Variants in CAMSAP2 observed in about 807,000 individuals in gnomAD.
CAMSAP2 encodes the protein calmodulin-regulated spectrin-associated protein 2.
Under a neutral mutation model 146.1 loss-of-function variants are expected in CAMSAP2, and 26 were observed. The ratio of observed to expected loss-of-function variants is 0.18; its 90% CI spans 0.13 to 0.25. The LOEUF (loss-of-function observed/expected upper bound fraction) is 0.25, where lower values mean the gene tolerates loss of function less well. Among genes scored for constraint, CAMSAP2 ranks in the 10% least tolerant of loss-of-function variants. The pLI is 1.00. For missense variants in CAMSAP2, 1,381 were observed against 1,759.3 expected (o/e 0.78, Z 3.85); for synonymous variants, 499 against 596.6 (o/e 0.84, Z 2.38).
chr1:200,755,919 A>G (rs1393952660), intron 1 of CAMSAP2, among the ~76,000 whole-genome samples: 2 of 152,188 alleles, frequency 1.3e-5, no homozygotes, highest in Non-Finnish European at 2.9e-5. Flanking sequence ...ATCTGAATGG[A>G]AAGAGCCAAC....
intron 6 of CAMSAP2, among the ~76,000 whole-genome samples, chr1:200,840,100 T>C (rs10920046): frequency 0.72 from 110,201 of 152,016 alleles, 40,041 homozygotes; most frequent in Middle Eastern, 0.78. Context: ...TCTTCTGTAA[T>C]ACTCCAGACT....
chr1:200,770,981 G>C (rs571313543), intron 2 of CAMSAP2, among the ~76,000 whole-genome samples: 2 of 152,248 alleles, frequency 1.3e-5, no homozygotes, highest in South Asian at 4.2e-4. Context: ...TTCTAACCCA[G>C]TGCTTATTCT....
chr1:200,811,351 A>G (rs1250651153), intron 3 of CAMSAP2, among the ~76,000 whole-genome samples: 10 of 152,076 alleles, frequency 6.6e-5, no homozygotes. Context: ...TTATATGCAG[A>G]TTTTGGGCCT....
rs1364421397 is a variant in CAMSAP2, at chr1:200,816,605, A to AAAAAT, written c.645+962_645+963insAAATA. On this transcript the variant is annotated intron_variant, in intron 4 of 16. Transcript: ENST00000358823. ...GCAAAACTTCATCTCAAAAAAAAAA[A>AAAAAT]ATATATATATATATATATATGTATA... is the stretch of plus-strand genomic sequence containing the variant. Among the ~76,000 whole-genome samples, 77 of 111,220 alleles carry AAAAAT rather than the reference A, an allele frequency of 6.9e-4. 1 individual carries two copies. Among genetic ancestry groups the AAAAAT allele is most frequent in the Non-Finnish European group, 1.0e-3 (53 of 53,136 alleles). The allele number at this position is 111,220 out of a possible 152,430, so 73.0% of individuals were successfully genotyped here.
At chr1:200,769,083 A>C (rs1665040499) in intron 2 of CAMSAP2, among the ~76,000 whole-genome samples, 1 of 152,208 alleles carries the variant, frequency 6.6e-6, no homozygotes, top group South Asian at 2.1e-4. Flanking sequence ...TTAATTAATT[A>C]GTAGTTAACT....
intron 2 of CAMSAP2, among the ~76,000 whole-genome samples, chr1:200,789,522 A>C: frequency 6.6e-6 from 1 of 151,898 alleles, no homozygotes; most frequent in East Asian, 1.9e-4. Flanking sequence ...CCGGTGATCT[A>C]TTTGTTCTTT....
At position 200,833,507 on chromosome 1, in the gene CAMSAP2, C is replaced by G. The variant is rs111513077; in HGVS notation, c.927+662C>G. Among the ~76,000 whole-genome samples, 242 of 152,048 alleles carry G rather than the reference C, an allele frequency of 1.6e-3. 2 individuals carry two copies. The highest frequency in any genetic ancestry group is 5.7e-3 in the African/African-American group (238 of 41,454). On this transcript the variant is annotated intron_variant, in intron 6 of 16. Coordinates refer to ENST00000358823, the MANE Select transcript of CAMSAP2 (RefSeq NM_203459.4). ...TCTGGAAGGCAGAGGTTGCGGTGAG[C>G]TGAGATCGCGCCACTGCACCCTAGC...
At chr1:200,754,379 C>T (rs901333078) in intron 1 of CAMSAP2, among the ~76,000 whole-genome samples, 1 of 151,998 alleles carries the variant, frequency 6.6e-6, no homozygotes, top group African/African-American at 2.4e-5. Flanking sequence ...GTAGTTTTCT[C>T]CATTATAAAA....
intron 1 of CAMSAP2, among the ~76,000 whole-genome samples, chr1:200,751,980 T>C (rs530709387): frequency 6.6e-6 from 1 of 152,308 alleles, no homozygotes; most frequent in Admixed American, 6.5e-5. Context: ...GGCAGACTTA[T>C]TGTGTGCAAC....
chr1:200,792,035 T>C (rs754935761), intron 2 of CAMSAP2, among the ~76,000 whole-genome samples: 111 of 152,270 alleles, frequency 7.3e-4, no homozygotes, highest in Admixed American at 3.6e-3. Context: ...GTTCTTCTTT[T>C]TAAGAATATG....
chr1:200,748,522 G>GT (rs940487950), intron 1 of CAMSAP2, among the ~76,000 whole-genome samples: 30 of 149,720 alleles, frequency 2.0e-4, no homozygotes, highest in Non-Finnish European at 2.7e-4. Context: ...ATATTGTTGT[G>GT]TTTTTTTTTC....
chr1:200,809,934 C>T (rs1290054592), intron 3 of CAMSAP2, among the ~76,000 whole-genome samples: 1 of 152,188 alleles, frequency 6.6e-6, no homozygotes, highest in Non-Finnish European at 1.5e-5. Context: ...TAGCTCAGGT[C>T]TGTCTTCCCC....
intron 14 of CAMSAP2, 126 bp from the exon 15 acceptor site, chr1:200,855,884 C>G: frequency 1.6e-6 from 1 of 635,830 alleles, no homozygotes; most frequent in Non-Finnish European, 2.8e-6. Flanking sequence ...CATGAGCCAC[C>G]GCGCCCGGCC....
intron 2 of CAMSAP2, among the ~76,000 whole-genome samples, chr1:200,789,448 CA>C (rs1440260122): frequency 1.3e-5 from 2 of 151,980 alleles, no homozygotes; most frequent in African/African-American, 4.8e-5. Flanking sequence ...TTCTCCACTG[CA>C]TTGCCTTATT....
intron 4 of CAMSAP2, among the ~76,000 whole-genome samples, chr1:200,819,115 CTGAAA>C (rs1666681975): frequency 6.6e-6 from 1 of 152,242 alleles, no homozygotes; most frequent in East Asian, 1.9e-4. Flanking sequence ...TAGGGTTGGA[CTGAAA>C]TGAAAGATTT....
At chr1:200,783,692 G>A (rs138671868) in intron 2 of CAMSAP2, among the ~76,000 whole-genome samples, 3 of 152,080 alleles carry the variant, frequency 2.0e-5, no homozygotes, top group African/African-American at 4.8e-5. Context: ...GCCTCACTGT[G>A]TTGCCCAGAT....
chr1:200,739,416 C>T lies in CAMSAP2; in HGVS notation c.-412C>T, dbSNP rs1314340313. 6.6e-6 allele frequency: 1 copy of T among 152,488 alleles called. No individual in the cohort carries two copies. The highest frequency in any genetic ancestry group is 6.5e-5 in the Admixed American group (1 of 15,268). The allele number at this position is 152,488 out of a possible 1,614,324, so 9.4% of individuals were successfully genotyped here. ...TTCCACAACGTGATTGTTGAAGGCT[C>T]CCCCCATCCCCCCTCCCTTAAAATT... On this transcript the variant is annotated 5_prime_UTR_variant, in exon 1 of 17. Transcript: ENST00000358823. This position sits in a 1 kb window ranked among gnomAD's most constrained non-coding sequence, Gnocchi z 4.8.
intron 4 of CAMSAP2, among the ~76,000 whole-genome samples, chr1:200,816,661 T>C (rs1191441748): frequency 2.1e-5 from 3 of 142,300 alleles, no homozygotes; most frequent in Admixed American, 7.0e-5. Context: ...TGCACACACA[T>C]ACACATGTGT....
rs141369344 is a variant in CAMSAP2 at position 200,825,742 on chromosome 1, G to A, written c.646-6458G>A. On this transcript the variant is annotated intron_variant, in intron 4 of 16. Transcript: ENST00000358823. The stretch of plus-strand genomic sequence containing the variant: ...AGGCTGGTCTCGACCTCCTGACCTC[G>A]TGATCTACCCGCCTTGGCCTCCCAA... Among the ~76,000 whole-genome samples the A allele has an allele frequency of 2.3e-3, 346 of 152,124 alleles. 1 individual carries two copies. Among genetic ancestry groups the A allele is most frequent in the African/African-American group, 7.9e-3 (327 of 41,516 alleles).
Sources: allele counts gnomAD v4.1 joint callset (sites outside exome capture counted in the v4.1 genomes callset), GRCh38; gene constraint gnomAD v4.1.1; non-coding constraint Gnocchi (gnomAD v3.1); transcripts MANE v1.5; gene names NCBI Gene and HGNC (gene_info 2026-07-23, HGNC 2026-07-21).